FOXD3: variants seen among roughly 807,000 people sequenced by gnomAD.
FOXD3 encodes the protein forkhead box protein D3.
FOXD3 carries 3 observed loss-of-function variants against 3.6 expected under a neutral mutation model. The observed-to-expected ratio is 0.84, with a 90% CI of 0.38 to 2.18. FOXD3 has a LOEUF of 2.18. Ranked by LOEUF, FOXD3 falls within the 30% of genes most tolerant of loss-of-function variation. FOXD3 has a pLI of 0.06. For missense variants in FOXD3, 686 were observed against 731.6 expected, an observed-to-expected ratio of 0.94 and a Z score of 0.72; for synonymous variants, 391 against 360.9, an observed-to-expected ratio of 1.08 and a Z score of -0.94.
chr1:63,324,044 A>G lies in FOXD3; in HGVS notation c.986A>G (p.Lys329Arg). The G allele has an allele frequency of 7.2e-7, 1 of 1,382,850 alleles. No homozygotes were observed. 85.7% of individuals were successfully genotyped at this position (1,382,850 alleles called of 1,614,324 possible). Residue 329 changes from lysine to arginine, a missense_variant, in exon 1 of 1, where the codon AAA (lysine) becomes AGA (arginine). Coordinates refer to ENST00000371116, the MANE Select transcript of FOXD3 (RefSeq NM_012183.3). This position sits in a 1 kb window ranked among gnomAD's most constrained non-coding sequence, Gnocchi z 4.1. ...PLLPSGELGR[K>R]AAAFGSQLGP... ...CTGCCCTCGGGCGAGCTGGGCCGCA[A>G]AGCGGCCGCCTTCGGCTCACAGCTC...
chr1:63,324,196 A>G lies in FOXD3; in HGVS notation c.1138A>G (p.Ile380Val). 1.4e-6 allele frequency: 2 copies of G among 1,442,268 alleles called. No homozygotes were observed. Among genetic ancestry groups the G allele is most frequent in the Non-Finnish European group, 1.8e-6 (2 of 1,110,398 alleles). 89.3% of individuals were successfully genotyped at this position (1,442,268 alleles called of 1,614,324 possible). A position where few individuals can be genotyped will look rare whatever the true frequency, so the allele number is the denominator to read the frequency against. ...GCCAAGCGCGCGGCCGTCGTTCAGCATCGAGAACATCATAGGTGGGGGCCC... is the reference window on the plus strand; with the variant it reads ...GCCAAGCGCGCGGCCGTCGTTCAGCGTCGAGAACATCATAGGTGGGGGCCC... ...SEPSARPSFSIENIIGGGPAA... is the reference protein window; with the variant it reads ...SEPSARPSFSVENIIGGGPAA... Residue 380 changes from isoleucine (I) to valine (V), a missense_variant, in exon 1 of 1, where the codon ATC (isoleucine) becomes GTC (valine). By Grantham distance (29) the Ile-to-Val change is conservative. Coordinates refer to ENST00000371116, the MANE Select transcript of FOXD3 (RefSeq NM_012183.3). The surrounding 1 kb of genome is among the most constrained non-coding windows in gnomAD (Gnocchi z 4.1).
At position 63,323,351 on chromosome 1, in the gene FOXD3, C is replaced by T. The variant is rs778638857; in HGVS notation, c.293C>T (p.Ala98Val). The part of the protein sequence containing the change: ...AGAGPGGDVG[A>V]PEADGCKGGV... ...GCCGGACCGGGGGGCGACGTGGGCG[C>T]GCCGGAGGCGGACGGCTGCAAGGGC... The change falls in exon 1 of 1, where the codon GCG becomes GTG. Residue 98 changes from alanine to valine, a missense_variant. Physicochemically the swap from Ala to Val is moderately conservative, Grantham distance 64. Around this residue, in one of 3 missense-constraint regions of FOXD3, gnomAD observed 232 missense variants for 214.0 expected, o/e 1.08. Transcript: ENST00000371116. This position sits in a 1 kb window ranked among gnomAD's most constrained non-coding sequence, Gnocchi z 6.8. The T allele has an allele frequency of 1.5e-6, 2 of 1,345,630 alleles. No homozygotes were observed. Among genetic ancestry groups the T allele is most frequent in the South Asian group, 4.2e-5 (2 of 48,150 alleles). 83.4% of individuals were successfully genotyped at this position (1,345,630 alleles called of 1,614,324 possible). A position where few individuals can be genotyped will look rare whatever the true frequency, so the allele number is the denominator to read the frequency against.
chr1:63,324,516 C>T lies in FOXD3; in HGVS notation c.*21C>T. On this transcript the variant is annotated 3_prime_UTR_variant, in exon 1 of 1. Transcript: ENST00000371116. The surrounding 1 kb of genome is among the most constrained non-coding windows in gnomAD (Gnocchi z 4.1). ...AATAGGGACGCGCCAATGGCCGGGACCCAGGGTCCGGCGGCGGCCTCGAGC... is the reference window on the plus strand; with the variant it reads ...AATAGGGACGCGCCAATGGCCGGGATCCAGGGTCCGGCGGCGGCCTCGAGC... 1 of 1,518,134 alleles carries T rather than the reference C, an allele frequency of 6.6e-7. No homozygotes were observed. Among genetic ancestry groups the T allele is most frequent in the Non-Finnish European group, 8.8e-7 (1 of 1,132,396 alleles). 94.0% of individuals were successfully genotyped at this position (1,518,134 alleles called of 1,614,324 possible).
Position 63,323,942 on chromosome 1 carries a change from C to A in FOXD3, c.884C>A (p.Ala295Glu). 7.3e-6 allele frequency: 9 copies of A among 1,241,004 alleles called. No homozygotes were observed. Among genetic ancestry groups the A allele is most frequent in the Non-Finnish European group, 9.0e-6 (9 of 997,674 alleles). The allele number at this position is 1,241,004 out of a possible 1,614,324, so 76.9% of individuals were successfully genotyped here. Residue 295 changes from alanine (A) to glutamate (E), a missense_variant, in exon 1 of 1, where the codon GCG becomes GAG. Ala to Glu is a moderately radical substitution (Grantham distance 107, BLOSUM62 -1). Coordinates refer to ENST00000371116, the MANE Select transcript of FOXD3 (RefSeq NM_012183.3). The surrounding 1 kb of genome is among the most constrained non-coding windows in gnomAD (Gnocchi z 6.8). ...TCGCACCCGGCAGCGGCGGCGGCCG[C>A]GGCTGCTGCGGCGGCGCTCCAGTAC... is the stretch of plus-strand genomic sequence containing the variant. Reference protein sequence around the residue: ...AYSHPAAAAAAAAAAALQYPY... With the variant: ...AYSHPAAAAAEAAAAALQYPY...
Position 63,322,644 on chromosome 1 carries a change from G to C in FOXD3, c.-415G>C, listed in dbSNP as rs1480605412. ...CCCCTGCCCCCCCGCTACTGTCCCT[G>C]CCCGCGCCCTCCCGAGCTGCTCGGC... On this transcript the variant is annotated 5_prime_UTR_variant, in exon 1 of 1. Coordinates refer to ENST00000371116, the MANE Select transcript of FOXD3 (RefSeq NM_012183.3). The C allele has an allele frequency of 1.0e-6, 1 of 955,550 alleles. No individual in the cohort carries two copies. Among genetic ancestry groups the C allele is most frequent in the East Asian group, 1.2e-4 (1 of 8,656 alleles). 59.2% of individuals were successfully genotyped at this position (955,550 alleles called of 1,614,324 possible). A position where few individuals can be genotyped will look rare whatever the true frequency, so the allele number is the denominator to read the frequency against.
rs1433973005 is a variant in FOXD3 at position 63,323,026 on chromosome 1, C to A, written c.-33C>A. 2 of 1,511,268 alleles carry A rather than the reference C, an allele frequency of 1.3e-6. No individual in the cohort carries two copies. The highest frequency in any genetic ancestry group is 2.2e-4 in the Middle Eastern group (1 of 4,516). 93.6% of individuals were successfully genotyped at this position (1,511,268 alleles called of 1,614,324 possible). On this transcript the variant is annotated 5_prime_UTR_variant, in exon 1 of 1. Coordinates refer to ENST00000371116, the MANE Select transcript of FOXD3 (RefSeq NM_012183.3). This position sits in a 1 kb window ranked among gnomAD's most constrained non-coding sequence, Gnocchi z 6.8. ...CGAACACCCTCATCGCCCGCTGCCC[C>A]CTCCCCGCCGCCGCTACCAACCCCG...
chr1:63,322,818 G>A lies in FOXD3; in HGVS notation c.-241G>A. ...CGCCTAGTACCGAGCGCCAGGGACGGCAGGAGTTCGCGGAGCGCGGCCGCT... is the reference window on the plus strand; with the variant it reads ...CGCCTAGTACCGAGCGCCAGGGACGACAGGAGTTCGCGGAGCGCGGCCGCT... On this transcript the variant is annotated 5_prime_UTR_variant, in exon 1 of 1. Transcript: ENST00000371116. 3.0e-6 allele frequency: 3 copies of A among 985,398 alleles called. No homozygotes were observed. The highest frequency in any genetic ancestry group is 3.6e-6 in the Non-Finnish European group (3 of 829,910). The allele number at this position is 985,398 out of a possible 1,614,324, so 61.0% of individuals were successfully genotyped here.
At position 63,322,848 on chromosome 1, in the gene FOXD3, G is replaced by T. The variant is rs1165725230; in HGVS notation, c.-211G>T. ...AGTTCGCGGAGCGCGGCCGCTGGGG[G>T]CGGACGGCAGAGCCCGCGCCACGCG... On this transcript the variant is annotated 5_prime_UTR_variant, in exon 1 of 1. Coordinates refer to ENST00000371116, the MANE Select transcript of FOXD3 (RefSeq NM_012183.3). 1.0e-6 allele frequency: 1 copy of T among 985,290 alleles called. No individual in the cohort carries two copies. Among genetic ancestry groups the T allele is most frequent in the Non-Finnish European group, 1.2e-6 (1 of 829,910 alleles). The allele number at this position is 985,290 out of a possible 1,614,324, so 61.0% of individuals were successfully genotyped here. A position where few individuals can be genotyped will look rare whatever the true frequency, so the allele number is the denominator to read the frequency against.
Position 63,323,418 on chromosome 1 carries a change from T to A in FOXD3, c.360T>A (p.Pro120=). 2 of 1,542,864 alleles carry A rather than the reference T, an allele frequency of 1.3e-6. No individual in the cohort carries two copies. Among genetic ancestry groups the A allele is most frequent in the Non-Finnish European group, 1.7e-6 (2 of 1,148,490 alleles). Residue 120 remains proline, a synonymous_variant, in exon 1 of 1, where the codon CCT becomes CCA. Transcript: ENST00000371116. This position sits in a 1 kb window ranked among gnomAD's most constrained non-coding sequence, Gnocchi z 6.8. The stretch of plus-strand genomic sequence containing the variant: ...AGGGCGGCGCGAGCGGCGGCGGGCC[T>A]GGCGCGGGCAGCGGTTCGGCGGGAG... The part of the protein sequence containing the change: ...GEEGGASGGG[P]GAGSGSAGGL...
At position 63,323,438 on chromosome 1, in the gene FOXD3, C is replaced by T. The variant is rs756292104; in HGVS notation, c.380C>T (p.Ala127Val). The T allele has an allele frequency of 4.4e-6, 7 of 1,577,576 alleles. 1 individual carries two copies. In the East Asian group the frequency reaches 1.7e-4, roughly 39 times the overall value. ...GGGCCTGGCGCGGGCAGCGGTTCGG[C>T]GGGAGGCCTGGCCCCGAGCAAGCCC... ...GGGPGAGSGS[A>V]GGLAPSKPKN... The change falls in exon 1 of 1, where the codon GCG becomes GTG. Residue 127 changes from alanine (A) to valine (V), a missense_variant. Transcript: ENST00000371116. The surrounding 1 kb of genome is among the most constrained non-coding windows in gnomAD (Gnocchi z 6.8).
At position 63,324,007 on chromosome 1, in the gene FOXD3, G is replaced by A; in HGVS notation, c.949G>A (p.Ala317Thr). The A allele has an allele frequency of 7.4e-7, 1 of 1,347,686 alleles. No individual in the cohort carries two copies. Among genetic ancestry groups the A allele is most frequent in the Non-Finnish European group, 9.5e-7 (1 of 1,053,744 alleles). The allele number at this position is 1,347,686 out of a possible 1,614,324, so 83.5% of individuals were successfully genotyped here. A position where few individuals can be genotyped will look rare whatever the true frequency, so the allele number is the denominator to read the frequency against. The change falls in exon 1 of 1, where the codon GCT becomes ACT. Residue 317 changes from alanine (A) to threonine (T), a missense_variant. Ala to Thr is a moderately conservative substitution (Grantham distance 58). This residue lies in a region of FOXD3 where 370 missense variants were observed against 372.3 expected (regional missense o/e 0.99). Transcript: ENST00000371116. This position sits in a 1 kb window ranked among gnomAD's most constrained non-coding sequence, Gnocchi z 4.1. ...GCCGGTGGCACCGGTGCTGCCTCCC[G>A]CTGTGCCGCTGCTGCCCTCGGGCGA... ...LPPVAPVLPPAVPLLPSGELG... is the reference protein window; with the variant it reads ...LPPVAPVLPPTVPLLPSGELG...
chr1:63,323,230 G>C lies in FOXD3; in HGVS notation c.172G>C (p.Ala58Pro). 6.5e-7 allele frequency: 1 copy of C among 1,526,770 alleles called. No individual in the cohort carries two copies. Among genetic ancestry groups the C allele is most frequent in the Non-Finnish European group, 8.8e-7 (1 of 1,137,736 alleles). The allele number at this position is 1,526,770 out of a possible 1,614,324, so 94.6% of individuals were successfully genotyped here. The change falls in exon 1 of 1, where the codon GCG becomes CCG. Residue 58 changes from alanine (A) to proline (P), a missense_variant. Physicochemically the swap from Ala to Pro is conservative, Grantham distance 27. Around this residue, in one of 3 missense-constraint regions of FOXD3, gnomAD observed 232 missense variants for 214.0 expected, o/e 1.08. Transcript: ENST00000371116. The surrounding 1 kb of genome is among the most constrained non-coding windows in gnomAD (Gnocchi z 6.8). ...GCCGCCGGAGCTGCGCCTGGACGAGGCGGACGAGGTGCCCCCGGCGGCACC... is the reference window on the plus strand; with the variant it reads ...GCCGCCGGAGCTGCGCCTGGACGAGCCGGACGAGGTGCCCCCGGCGGCACC... ...AGPPELRLDE[A>P]DEVPPAAPHH...
In FOXD3 at chr1:63,323,227, G is replaced by A. The variant is rs1647041103; in HGVS notation, c.169G>A (p.Glu57Lys). ...GGGGCCGCCGGAGCTGCGCCTGGAC[G>A]AGGCGGACGAGGTGCCCCCGGCGGC... ...PAGPPELRLD[E>K]ADEVPPAAPH... The change falls in exon 1 of 1, where the codon GAG (glutamate) becomes AAG (lysine). Residue 57 changes from glutamate to lysine, a missense_variant. Physicochemically the swap from Glu to Lys is moderately conservative, Grantham distance 56. Coordinates refer to ENST00000371116, the MANE Select transcript of FOXD3 (RefSeq NM_012183.3). This position sits in a 1 kb window ranked among gnomAD's most constrained non-coding sequence, Gnocchi z 6.8. The A allele has an allele frequency of 6.5e-7, 1 of 1,526,740 alleles. No individual in the cohort carries two copies. The highest frequency in any genetic ancestry group is 2.0e-5 in the Admixed American group (1 of 49,412). 94.6% of individuals were successfully genotyped at this position (1,526,740 alleles called of 1,614,324 possible).
chr1:63,323,457 C>A lies in FOXD3; in HGVS notation c.399C>A (p.Ser133Arg). 6.2e-7 allele frequency: 1 copy of A among 1,607,690 alleles called. No individual in the cohort carries two copies. The change falls in exon 1 of 1, where the codon AGC (serine) becomes AGA (arginine). Residue 133 changes from serine to arginine, a missense_variant. This residue lies in a region of FOXD3 where 232 missense variants were observed against 214.0 expected (regional missense o/e 1.08). Transcript: ENST00000371116. This position sits in a 1 kb window ranked among gnomAD's most constrained non-coding sequence, Gnocchi z 6.8. Reference protein sequence around the residue: ...GSGSAGGLAPSKPKNSLVKPP... With the variant: ...GSGSAGGLAPRKPKNSLVKPP... The stretch of plus-strand genomic sequence containing the variant: ...GTTCGGCGGGAGGCCTGGCCCCGAG[C>A]AAGCCCAAGAACAGCCTAGTGAAGC...
At position 63,323,355 on chromosome 1, in the gene FOXD3, G is replaced by A. The variant is rs989637519; in HGVS notation, c.297G>A (p.Pro99=). The stretch of plus-strand genomic sequence containing the variant: ...GACCGGGGGGCGACGTGGGCGCGCC[G>A]GAGGCGGACGGCTGCAAGGGCGGTG... ...GAGPGGDVGA[P]EADGCKGGVG... Residue 99 remains proline (P), a synonymous_variant, in exon 1 of 1, where the codon CCG becomes CCA. Transcript: ENST00000371116. The surrounding 1 kb of genome is among the most constrained non-coding windows in gnomAD (Gnocchi z 6.8). The A allele has an allele frequency of 2.9e-5, 39 of 1,346,364 alleles. 1 individual carries two copies. The Middle Eastern group carries it at 1.1e-3, about 38-fold the overall frequency. The allele number at this position is 1,346,364 out of a possible 1,614,324, so 83.4% of individuals were successfully genotyped here. A position where few individuals can be genotyped will look rare whatever the true frequency, so the allele number is the denominator to read the frequency against.
Position 63,323,211 on chromosome 1 carries a change from G to A in FOXD3, c.153G>A (p.Pro51=), listed in dbSNP as rs1405314304. The A allele has an allele frequency of 6.5e-7, 1 of 1,537,218 alleles. No individual in the cohort carries two copies. Among genetic ancestry groups the A allele is most frequent in the Non-Finnish European group, 8.7e-7 (1 of 1,143,076 alleles). ...DAGCDSPAGP[P]ELRLDEADEV... ...GTTGCGATAGCCCCGCGGGGCCGCCGGAGCTGCGCCTGGACGAGGCGGACG... is the reference window on the plus strand; with the variant it reads ...GTTGCGATAGCCCCGCGGGGCCGCCAGAGCTGCGCCTGGACGAGGCGGACG... Residue 51 remains proline, a synonymous_variant, in exon 1 of 1, where the codon CCG becomes CCA. Coordinates refer to ENST00000371116, the MANE Select transcript of FOXD3 (RefSeq NM_012183.3). This position sits in a 1 kb window ranked among gnomAD's most constrained non-coding sequence, Gnocchi z 6.8.
At position 63,323,755 on chromosome 1, in the gene FOXD3, C is replaced by T. The variant is rs1553150588; in HGVS notation, c.697C>T (p.Arg233Cys). 1 of 1,613,712 alleles carries T rather than the reference C, an allele frequency of 6.2e-7. No individual in the cohort carries two copies. The highest frequency in any genetic ancestry group is 8.5e-7 in the Non-Finnish European group (1 of 1,179,990). ...DMFDNGSFLR[R>C]RKRFKRHQQE... ...GTTCGACAACGGCAGCTTCCTGCGG[C>T]GCCGGAAACGCTTCAAGCGCCACCA... is the stretch of plus-strand genomic sequence containing the variant. Residue 233 changes from arginine to cysteine, a missense_variant, in exon 1 of 1, where the codon CGC (arginine) becomes TGC (cysteine). Coordinates refer to ENST00000371116, the MANE Select transcript of FOXD3 (RefSeq NM_012183.3). This position sits in a 1 kb window ranked among gnomAD's most constrained non-coding sequence, Gnocchi z 6.8.
Position 63,324,048 on chromosome 1 carries a change from G to T in FOXD3, c.990G>T (p.Ala330=). The change falls in exon 1 of 1, where the codon GCG becomes GCT. Residue 330 remains alanine (A), a synonymous_variant. Coordinates refer to ENST00000371116, the MANE Select transcript of FOXD3 (RefSeq NM_012183.3). This position sits in a 1 kb window ranked among gnomAD's most constrained non-coding sequence, Gnocchi z 4.1. ...CCTCGGGCGAGCTGGGCCGCAAAGC[G>T]GCCGCCTTCGGCTCACAGCTCGGCC... is the stretch of plus-strand genomic sequence containing the variant. The part of the protein sequence containing the change: ...LLPSGELGRK[A]AAFGSQLGPG... The T allele has an allele frequency of 1.4e-6, 2 of 1,384,344 alleles. No individual in the cohort carries two copies. The highest frequency in any genetic ancestry group is 1.7e-5 in the South Asian group (1 of 60,284). The allele number at this position is 1,384,344 out of a possible 1,614,324, so 85.8% of individuals were successfully genotyped here.
chr1:63,323,373 G>C lies in FOXD3; in HGVS notation c.315G>C (p.Lys105Asn). 1 of 1,376,956 alleles carries C rather than the reference G, an allele frequency of 7.3e-7. No individual in the cohort carries two copies. The highest frequency in any genetic ancestry group is 3.1e-5 in the East Asian group (1 of 32,626). 85.3% of individuals were successfully genotyped at this position (1,376,956 alleles called of 1,614,324 possible). Reference protein sequence around the residue: ...DVGAPEADGCKGGVGGEEGGA... With the variant: ...DVGAPEADGCNGGVGGEEGGA... ...GCGCGCCGGAGGCGGACGGCTGCAA[G>C]GGCGGTGTTGGCGGCGAGGAGGGCG... Residue 105 changes from lysine (K) to asparagine (N), a missense_variant, in exon 1 of 1, where the codon AAG becomes AAC. Lys to Asn is a moderately conservative substitution (Grantham distance 94). Transcript: ENST00000371116. The surrounding 1 kb of genome is among the most constrained non-coding windows in gnomAD (Gnocchi z 6.8).
Sources: gnomAD v4.1 joint callset for allele counts on GRCh38, gnomAD v4.1.1 for gene constraint, gnomAD v4.1.1 regional missense constraint, Gnocchi (gnomAD v3.1) non-coding constraint, MANE v1.5 for transcripts, NCBI Gene and HGNC (gene_info 2026-07-23, HGNC 2026-07-21) for gene names.